Variants in LRP2 observed in about 807,000 individuals in gnomAD.
LRP2 encodes the protein LDL receptor related protein 2.
Under a neutral mutation model 531.0 loss-of-function variants are expected in LRP2, and 172 were observed. The observed-to-expected ratio is 0.32, with a 90% CI of 0.29 to 0.37. The LOEUF (loss-of-function observed/expected upper bound fraction) is 0.37, where lower values mean the gene tolerates loss of function less well. Ranked by LOEUF, LRP2 falls within the 10% of genes least tolerant of loss-of-function variation. The pLI, the probability that LRP2 is intolerant of heterozygous loss-of-function variation, is 1.00. For missense variants in LRP2, 5,167 were observed against 5,868.3 expected (o/e 0.88, Z 3.90); for synonymous variants, 1,992 against 2,027.6 (o/e 0.98, Z 0.47).
At chr2:169,159,945 C>T (rs1686510977) in intron 63 of LRP2, among the ~76,000 whole-genome samples, 1 of 152,196 alleles carries the variant, frequency 6.6e-6, no homozygotes, top group African/African-American at 2.4e-5. Context: ...GCAGAAACCA[C>T]ACGACACTGT....
chr2:169,306,546 T>TA (rs982923220), intron 4 of LRP2, among the ~76,000 whole-genome samples: 1 of 151,810 alleles, frequency 6.6e-6, no homozygotes, highest in Non-Finnish European at 1.5e-5. Context: ...AAATAAAAAA[T>TA]AAAAAACAGA....
chr2:169,319,912 C>T (rs1684865732), intron 2 of LRP2, among the ~76,000 whole-genome samples: 1 of 152,232 alleles, frequency 6.6e-6, no homozygotes, highest in Non-Finnish European at 1.5e-5. Context: ...CTAAATGACA[C>T]ACCAAAGTTT....
intron 16 of LRP2, among the ~76,000 whole-genome samples, chr2:169,264,156 A>G (rs1690694485): frequency 6.6e-6 from 1 of 152,188 alleles, no homozygotes; most frequent in African/African-American, 2.4e-5. Flanking sequence ...ATGACGAGTT[A>G]GTGGGTGCAG....
chr2:169,175,472 C>A, intron 54 of LRP2, 83 bp from the exon 55 acceptor site: 2 of 1,260,944 alleles, frequency 1.6e-6, no homozygotes, highest in Non-Finnish European at 1.2e-6. Context: ...CACTGAATTC[C>A]AAGAAATGAC....
chr2:169,168,201 C>T (rs995199329), intron 61 of LRP2, among the ~76,000 whole-genome samples: 2 of 151,406 alleles, frequency 1.3e-5, no homozygotes, highest in African/African-American at 4.9e-5. Context: ...AAGTAGGATA[C>T]AGCAGGAGAG....
chr2:169,150,083 A>G (rs953455059), intron 68 of LRP2, among the ~76,000 whole-genome samples: 5 of 152,084 alleles, frequency 3.3e-5, no homozygotes, highest in Admixed American at 2.0e-4. Context: ...GGTTAATCTC[A>G]TCAGTCAAGT....
chr2:169,298,736 A>G (rs1255745811), intron 4 of LRP2, among the ~76,000 whole-genome samples: 2 of 152,082 alleles, frequency 1.3e-5, no homozygotes, highest in African/African-American at 2.4e-5. Context: ...TCAATATGAT[A>G]TAATCTAGGA....
At chr2:169,188,329 T>A in intron 48 of LRP2, 64 bp from the exon 49 acceptor site, 1 of 1,533,424 alleles carries the variant, frequency 6.5e-7, no homozygotes, top group Non-Finnish European at 9.0e-7. Context: ...TATTACCCAC[T>A]TGGGGTTTTG....
chr2:169,279,647 G>A (rs765062265), intron 11 of LRP2, 52 bp from the exon 12 acceptor site: 9 of 1,160,432 alleles, frequency 7.8e-6, no homozygotes, highest in Non-Finnish European at 1.3e-6. Context: ...TAACTACGTG[G>A]TTTGTTTTGA....
In LRP2 at chr2:169,246,780, C is replaced by A; in HGVS notation, c.3115G>T (p.Val1039Leu). ...CCATCACAGAGATAGTAATTGGGCACACATCTGCCATTTTTACAGGGGAAG... is the reference window on the plus strand; with the variant it reads ...CCATCACAGAGATAGTAATTGGGCAAACATCTGCCATTTTTACAGGGGAAG... ...FSFPCKNGRC[V>L]PNYYLCDGVD... is the part of the protein sequence containing the mutation. Residue 1039 changes from valine to leucine, a missense_variant, in exon 21 of 79, where the codon GTG (valine) becomes TTG (leucine). By Grantham distance (32) the Val-to-Leu change is conservative. Around this residue, in one of 6 missense-constraint regions of LRP2, gnomAD observed 2,811 missense variants for 3,058.0 expected, o/e 0.92. Coordinates refer to ENST00000649046, the MANE Select transcript of LRP2 (RefSeq NM_004525.3). 6.2e-7 allele frequency: 1 copy of A among 1,614,160 alleles called. No homozygotes were observed. The highest frequency in any genetic ancestry group is 8.5e-7 in the Non-Finnish European group (1 of 1,180,030).
intron 42 of LRP2, among the ~76,000 whole-genome samples, chr2:169,203,675 T>C (rs1688277769): frequency 6.6e-6 from 1 of 152,348 alleles, no homozygotes; most frequent in East Asian, 1.9e-4. Flanking sequence ...GAGAATGGCA[T>C]GAACCCAGGA....
At chr2:169,299,270 G>T (rs2105480065) in intron 4 of LRP2, among the ~76,000 whole-genome samples, 1 of 152,106 alleles carries the variant, frequency 6.6e-6, no homozygotes, top group South Asian at 2.1e-4. Context: ...AGTTTAGTCT[G>T]GGTGGCTTTC....
Position 169,259,097 on chromosome 2 carries a change from G to T in LRP2, c.2441C>A (p.Ala814Asp). 1 of 1,613,370 alleles carries T rather than the reference G, an allele frequency of 6.2e-7. No homozygotes were observed. The highest frequency in any genetic ancestry group is 2.2e-5 in the East Asian group (1 of 44,836). Reference sequence around the variant, plus strand: ...AACTACTGTGCGTCTCGTTTTATCAGCTAGCCTCATGACACTGATACTCTT... The same window carrying T: ...AACTACTGTGCGTCTCGTTTTATCATCTAGCCTCATGACACTGATACTCTT... Reference protein sequence around the residue: ...HYKSISVMRLADKTRRTVVQY... With the variant: ...HYKSISVMRLDDKTRRTVVQY... Residue 814 changes from alanine to aspartate, a missense_variant, in exon 17 of 79, where the codon GCT becomes GAT. Around this residue, in one of 6 missense-constraint regions of LRP2, gnomAD observed 2,811 missense variants for 3,058.0 expected, o/e 0.92. Transcript: ENST00000649046.
chr2:169,213,446 G>A (rs907825696), intron 36 of LRP2, among the ~76,000 whole-genome samples: 1 of 152,214 alleles, frequency 6.6e-6, no homozygotes, highest in African/African-American at 2.4e-5. Context: ...AACTTACTCT[G>A]AAGTCAATCT....
At chr2:169,329,816 G>A (rs1685217370) in intron 1 of LRP2, among the ~76,000 whole-genome samples, 2 of 152,212 alleles carry the variant, frequency 1.3e-5, no homozygotes, top group Admixed American at 6.5e-5. Context: ...CAGGTTCCAT[G>A]AGGGAGGGGT....
chr2:169,170,665 G>A lies in LRP2; in HGVS notation c.11266C>T (p.Pro3756Ser), dbSNP rs1686963573. Residue 3756 changes from proline (P) to serine (S), a missense_variant and splice_region_variant, in exon 59 of 79, where the codon CCC (proline) becomes TCC (serine). This residue lies in a region of LRP2 where 564 missense variants were observed against 747.7 expected (regional missense o/e 0.75). Transcript: ENST00000649046. ...AACTCGCTCTCTGTGCACTCCCGGG[G>A]AGCTGGAAAGGAAAGGCACCTGGCC... ...GDNSDEENCA[P>S]RECTESEFRC... 2 of 1,611,146 alleles carry A rather than the reference G, an allele frequency of 1.2e-6. No individual in the cohort carries two copies. Among genetic ancestry groups the A allele is most frequent in the South Asian group, 2.2e-5 (2 of 91,028 alleles).
rs1689935059 is a variant in LRP2 at position 169,244,635 on chromosome 2, GGTT to G, written c.3430+55_3430+57del. Reference sequence around the variant, plus strand: ...TAGAGGAAAGAATGCAAGGCCATTTGGTTGTTGAAGTCTATTTACGAGGCTGAC... The same window carrying G: ...TAGAGGAAAGAATGCAAGGCCATTTGGTTGAAGTCTATTTACGAGGCTGAC... On this transcript the variant is annotated intron_variant, in intron 22 of 78. Transcript: ENST00000649046. 3.1e-6 allele frequency: 5 copies of G among 1,610,706 alleles called. No homozygotes were observed. In the South Asian group the frequency reaches 5.5e-5, roughly 18 times the overall value.
chr2:169,266,416 G>C (rs1463498941), intron 16 of LRP2, among the ~76,000 whole-genome samples: 1 of 151,956 alleles, frequency 6.6e-6, no homozygotes, highest in Non-Finnish European at 1.5e-5. Context: ...ATTGATAACA[G>C]ATAAAATGAT....
intron 77 of LRP2, among the ~76,000 whole-genome samples, chr2:169,129,719 C>T (rs1309994550): frequency 6.6e-6 from 1 of 152,170 alleles, no homozygotes; most frequent in Non-Finnish European, 1.5e-5. Context: ...GATTATACAA[C>T]TAACTTGCAG....
Sources: gnomAD v4.1 joint callset for allele counts (sites outside exome capture counted in the v4.1 genomes callset) on GRCh38, gnomAD v4.1.1 for gene constraint, gnomAD v4.1.1 regional missense constraint, MANE v1.5 for transcripts, NCBI Gene and HGNC (gene_info 2026-07-23, HGNC 2026-07-21) for gene names.